Variants in NTRK3 observed in about 807,000 individuals in gnomAD.
NTRK3 encodes the protein NT-3 growth factor receptor.
Under a neutral mutation model 91.7 loss-of-function variants are expected in NTRK3, and 24 were observed. The observed-to-expected ratio is 0.26, with a 90% confidence interval of 0.19 to 0.37. The LOEUF is 0.37. NTRK3 is among the 10% of genes least tolerant of loss of function. NTRK3 has a pLI of 1.00. For missense variants in NTRK3, 880 were observed against 1,068.9 expected (o/e 0.82, Z 2.46); for synonymous variants, 483 against 404.0 (o/e 1.20, Z -2.34).
chr15:88,068,420 A>C (rs1418750460), intron 13 of NTRK3, among the ~76,000 whole-genome samples: 2 of 151,994 alleles, frequency 1.3e-5, no homozygotes, highest in African/African-American at 4.8e-5. Context: ...GAGAGAGGGA[A>C]ACTCCATCTC....
At chr15:87,953,771 A>G (rs75847698) in intron 14 of NTRK3, among the ~76,000 whole-genome samples, 60 of 152,126 alleles carry the variant, frequency 3.9e-4, no homozygotes, top group African/African-American at 1.4e-3. Context: ...CCTGGCGGAC[A>G]TTTCCTCTCT....
At chr15:88,239,152 C>G (rs920096948) in intron 3 of NTRK3, among the ~76,000 whole-genome samples, 2 of 151,778 alleles carry the variant, frequency 1.3e-5, no homozygotes, top group African/African-American at 2.4e-5. Context: ...AAAGGTGGGA[C>G]TGGAGTGACA....
chr15:88,158,508 AT>A (rs1358253856), intron 5 of NTRK3, among the ~76,000 whole-genome samples: 32 of 152,298 alleles, frequency 2.1e-4, no homozygotes, highest in African/African-American at 7.0e-4. Flanking sequence ...CCTGAGGTCT[AT>A]TGGCCACCTG....
rs954738224 is a variant in NTRK3, at chr15:88,094,865, C to A, written c.1396+31406G>T. Among the ~76,000 whole-genome samples the A allele has an allele frequency of 2.0e-5, 3 of 152,190 alleles. No individual in the cohort carries two copies. The South Asian group carries it at 6.2e-4, about 32-fold the overall frequency. Reference sequence around the variant, plus strand: ...CTGTTGCTGTCAATTATTATTATTGCTTAAATTAAGCTGTTTTAACTCCAT... The same window carrying A: ...CTGTTGCTGTCAATTATTATTATTGATTAAATTAAGCTGTTTTAACTCCAT... On this transcript the variant is annotated intron_variant, in intron 13 of 18. Transcript: ENST00000394480.
Position 88,255,027 on chromosome 15 carries a change from T to C in NTRK3, c.248+879A>G, listed in dbSNP as rs1473175970. 6.6e-6 allele frequency among the ~76,000 whole-genome samples: 1 copy of C among 152,142 alleles called. No homozygotes were observed. Among genetic ancestry groups the C allele is most frequent in the African/African-American group, 2.4e-5 (1 of 41,440 alleles). On this transcript the variant is annotated intron_variant, in intron 3 of 18. Coordinates refer to ENST00000394480, the Ensembl canonical transcript of NTRK3. The surrounding 1 kb of genome is among the most constrained non-coding windows in gnomAD (Gnocchi z 4.3). ...CAAGGAGAAAAGAGCAGGCCACCAC[T>C]GGTCTCCCTCGGAGGGGGCAGAACC...
chr15:88,103,713 T>C (rs2050407442), intron 13 of NTRK3, among the ~76,000 whole-genome samples: 1 of 152,174 alleles, frequency 6.6e-6, no homozygotes, highest in African/African-American at 2.4e-5. Context: ...TTCAGTGCCA[T>C]GCTATAAGCC....
chr15:88,057,802 C>T (rs2142405965), intron 13 of NTRK3, among the ~76,000 whole-genome samples: 1 of 152,376 alleles, frequency 6.6e-6, no homozygotes, highest in East Asian at 1.9e-4. Context: ...GTTCCTAGTC[C>T]TTTGTCAAGC....
chr15:87,911,773 G>T (rs1350994166), intron 17 of NTRK3, among the ~76,000 whole-genome samples: 1 of 152,136 alleles, frequency 6.6e-6, no homozygotes, highest in African/African-American at 2.4e-5. Context: ...AAGAACACCT[G>T]TCTCCTGGTT....
chr15:88,183,406 A>C lies in NTRK3; in HGVS notation c.395+12T>G. 6.2e-7 allele frequency: 1 copy of C among 1,613,758 alleles called. No individual in the cohort carries two copies. Among genetic ancestry groups the C allele is most frequent in the Non-Finnish European group, 8.5e-7 (1 of 1,179,748 alleles). ...CATGTGCCCCCAATCCCTGCAGCCC[A>C]GCTCTACTCACATATAACGCAAATG... On this transcript the variant is annotated intron_variant, in intron 5 of 18. Coordinates refer to ENST00000394480, the Ensembl canonical transcript of NTRK3.
intron 7 of NTRK3, 87 bp downstream of exon 7, chr15:88,137,317 G>C (rs1390874545): frequency 6.6e-7 from 1 of 1,513,028 alleles, no homozygotes; most frequent in South Asian, 1.1e-5. Context: ...GGAAGGCTCT[G>C]GCATCCCAAG....
intron 14 of NTRK3, among the ~76,000 whole-genome samples, 157 bp downstream of exon 14, chr15:88,032,700 T>C (rs995522869): frequency 2.6e-5 from 4 of 152,050 alleles, no homozygotes; most frequent in South Asian, 4.2e-4. Context: ...GCTCAGGCTA[T>C]TCTTCAAGTT....
intron 3 of NTRK3, among the ~76,000 whole-genome samples, chr15:88,218,552 A>G (rs554747318): frequency 1.3e-5 from 2 of 152,320 alleles, no homozygotes; most frequent in South Asian, 2.1e-4. Context: ...AAGGCACTCA[A>G]TGTTCAATCA....
chr15:88,140,925 G>A (rs1004375677), intron 6 of NTRK3, among the ~76,000 whole-genome samples: 9 of 152,190 alleles, frequency 5.9e-5, no homozygotes, highest in South Asian at 2.1e-4. Context: ...AAAATGGTAC[G>A]TGGTGCTTTG....
exon 6 of NTRK3, chr15:88,147,400 G>T: frequency 6.2e-7 from 1 of 1,613,650 alleles, no homozygotes; most frequent in Non-Finnish European, 8.5e-7. Context: ...TACTTGACAG[G>T]TTTCTGCAAG....
chr15:88,152,267 C>T (rs2043455007), intron 5 of NTRK3, among the ~76,000 whole-genome samples: 1 of 152,156 alleles, frequency 6.6e-6, no homozygotes, highest in Non-Finnish European at 1.5e-5. Flanking sequence ...CGCCATTGCA[C>T]TCCAGCCTGG....
intron 5 of NTRK3, among the ~76,000 whole-genome samples, chr15:88,181,784 C>G (rs933827783): frequency 1.3e-5 from 2 of 152,220 alleles, no homozygotes; most frequent in African/African-American, 2.4e-5. Context: ...GGCCCCACCT[C>G]CACGTGGCAT....
intron 3 of NTRK3, among the ~76,000 whole-genome samples, chr15:88,226,996 C>G (rs2050730843): frequency 6.6e-6 from 1 of 152,188 alleles, no homozygotes; most frequent in Non-Finnish European, 1.5e-5. Flanking sequence ...ACCTTTTCCA[C>G]TTTCCCTCCT....
At chr15:88,170,297 C>A (rs2045386753) in intron 5 of NTRK3, among the ~76,000 whole-genome samples, 1 of 152,214 alleles carries the variant, frequency 6.6e-6, no homozygotes, top group South Asian at 2.1e-4. Flanking sequence ...CAACATTTTT[C>A]ACAAGATCTT....
intron 3 of NTRK3, among the ~76,000 whole-genome samples, chr15:88,232,917 C>T (rs763919695): frequency 1.4e-4 from 22 of 152,206 alleles, no homozygotes; most frequent in African/African-American, 4.8e-5. Flanking sequence ...CTACAGCTTC[C>T]GTCTTGAGGG....
Sources: allele counts gnomAD v4.1 joint callset (sites outside exome capture counted in the v4.1 genomes callset), GRCh38; gene constraint gnomAD v4.1.1; non-coding constraint Gnocchi (gnomAD v3.1); transcripts MANE v1.5; gene names NCBI Gene and HGNC (gene_info 2026-07-23, HGNC 2026-07-21).